ITGAX: variants seen among roughly 807,000 people sequenced by gnomAD.
The protein encoded by ITGAX is integrin alpha-X.
Under a neutral mutation model 140.2 loss-of-function variants are expected in ITGAX, and 99 were observed. The ratio of observed to expected loss-of-function variants is 0.71; its 90% CI spans 0.60 to 0.83. ITGAX has a LOEUF of 0.83. Among genes scored for constraint, ITGAX ranks in the 40% least tolerant of loss-of-function variants. The pLI is 0.00. For synonymous variants in ITGAX, 631 were observed against 600.4 expected (o/e 1.05, Z -0.75); for missense variants, 1,444 against 1,482.0 (o/e 0.97, Z 0.42).
chr16:31,363,348 C>T lies in ITGAX; in HGVS notation c.1684C>T (p.Pro562Ser). The T allele has an allele frequency of 6.2e-7, 1 of 1,613,100 alleles. No homozygotes were observed. The highest frequency in any genetic ancestry group is 1.1e-5 in the South Asian group (1 of 91,072). Reference protein sequence around the residue: ...AVYLFHGVLGPSISPSHSQRI... With the variant: ...AVYLFHGVLGSSISPSHSQRI... ...CTACCTGTTTCACGGAGTCTTGGGA[C>T]CCAGCATCAGCCCCTCCCACAGCCA... The change falls in exon 14 of 30, where the codon CCC becomes TCC. Residue 562 changes from proline to serine, a missense_variant. By Grantham distance (74) the Pro-to-Ser change is moderately conservative. Coordinates refer to ENST00000268296, the MANE Select transcript of ITGAX (RefSeq NM_000887.5).
chr16:31,369,221 C>G (rs2080927049), intron 14 of ITGAX, among the ~76,000 whole-genome samples: 1 of 146,084 alleles, frequency 6.8e-6, no homozygotes, highest in Non-Finnish European at 1.5e-5. Context: ...GACGGGGCGG[C>G]TGGCCGGGCG....
chr16:31,376,840 C>T lies in ITGAX; in HGVS notation c.2550C>T (p.Ser850=), dbSNP rs763511730. ...QLRSLHLTCD[S]APVGSQGTWS... ...GTTCCCTGCACCTGACATGTGACAG[C>T]GCCCCAGTTGGGAGCCAGGGCACCT... Residue 850 remains serine (S), a synonymous_variant, in exon 21 of 30, where the codon AGC becomes AGT. Coordinates refer to ENST00000268296, the MANE Select transcript of ITGAX (RefSeq NM_000887.5). 36 of 1,614,086 alleles carry T rather than the reference C, an allele frequency of 2.2e-5. No individual in the cohort carries two copies. Among genetic ancestry groups the T allele is most frequent in the East Asian group, 4.5e-5 (2 of 44,902 alleles).
At chr16:31,357,789 G>T in intron 5 of ITGAX, 2 of 409,868 alleles carry the variant, frequency 4.9e-6, no homozygotes, top group Non-Finnish European at 8.5e-6. Context: ...TTTAGGAAAG[G>T]TCAGTGAAAG....
At position 31,362,918 on chromosome 16, in the gene ITGAX, C is replaced by T. The variant is rs1251382801; in HGVS notation, c.1360-17C>T. 12 of 1,611,246 alleles carry T rather than the reference C, an allele frequency of 7.4e-6. No individual in the cohort carries two copies. The highest frequency in any genetic ancestry group is 1.0e-5 in the Non-Finnish European group (12 of 1,179,504). On this transcript the variant is annotated splice_polypyrimidine_tract_variant and intron_variant, in intron 12 of 29. Transcript: ENST00000268296. ...TCTGGCAGGGACAGGCAGCATGACC[C>T]AGGCTCTGCCCTTCAGATCGGCTCC...
chr16:31,372,170 G>A (rs61761301), intron 17 of ITGAX, among the ~76,000 whole-genome samples: 17 of 151,696 alleles, frequency 1.1e-4, no homozygotes, highest in South Asian at 2.1e-4. Context: ...AGGTCTGGGG[G>A]GGGGGAGGAA....
chr16:31,355,410 C>A, intron 1 of ITGAX, 119 bp downstream of exon 1: 1 of 1,067,694 alleles, frequency 9.4e-7, no homozygotes, highest in Non-Finnish European at 1.4e-6. Context: ...CTCAGTCAAG[C>A]CTGAGGGGGA....
chr16:31,380,550 A>G lies in ITGAX; in HGVS notation c.3202A>G (p.Ser1068Gly), dbSNP rs1264010036. The G allele has an allele frequency of 1.2e-6, 2 of 1,614,232 alleles. No homozygotes were observed. The highest frequency in any genetic ancestry group is 8.5e-7 in the Non-Finnish European group (1 of 1,180,048). The change falls in exon 28 of 30, where the codon AGT becomes GGT. Residue 1068 changes from serine (S) to glycine (G), a missense_variant. Ser to Gly is a moderately conservative substitution (Grantham distance 56, BLOSUM62 0). Transcript: ENST00000268296. ...ATTGCAGAAGAAGGTGTCGGTCGTGAGTGTGGCTGAAATTACGTTCGACAC... is the reference window on the plus strand; with the variant it reads ...ATTGCAGAAGAAGGTGTCGGTCGTGGGTGTGGCTGAAATTACGTTCGACAC... ...QILQKKVSVVSVAEITFDTSV... is the reference protein window; with the variant it reads ...QILQKKVSVVGVAEITFDTSV...
rs773417664 is a variant in ITGAX at position 31,361,229 on chromosome 16, G to A, written c.1012+16G>A. On this transcript the variant is annotated intron_variant, in intron 9 of 29. Transcript: ENST00000268296. ...GCCATTGAGGGTGAGTCTGAAGGGA[G>A]CTCTTCGCTTGGGGAATCCTCAGCC... 1.9e-6 allele frequency: 3 copies of A among 1,593,180 alleles called. No individual in the cohort carries two copies. Among genetic ancestry groups the A allele is most frequent in the Non-Finnish European group, 2.6e-6 (3 of 1,170,332 alleles).
chr16:31,361,276 A>C lies in ITGAX; in HGVS notation c.1012+63A>C. ...AGCCGTTAACACCTTTCCACTTAGA[A>C]CCCGAGGCTCCGTGAAACAGGTAGA... is the stretch of plus-strand genomic sequence containing the variant. On this transcript the variant is annotated intron_variant, in intron 9 of 29. Transcript: ENST00000268296. The C allele has an allele frequency of 7.9e-6, 12 of 1,524,836 alleles. No individual in the cohort carries two copies. The South Asian group carries it at 1.5e-4, about 19-fold the overall frequency. 94.5% of individuals were successfully genotyped at this position (1,524,836 alleles called of 1,614,324 possible). A position where few individuals can be genotyped will look rare whatever the true frequency, so the allele number is the denominator to read the frequency against.
At chr16:31,360,904 T>A (rs2080817320) in intron 8 of ITGAX, 159 bp from the exon 9 acceptor site, 2 of 666,418 alleles carry the variant, frequency 3.0e-6, no homozygotes, top group East Asian at 5.5e-5. Context: ...CATGATCCTT[T>A]CTCCTAAACT....
chr16:31,373,533 C>T (rs1357333895), intron 20 of ITGAX, 143 bp downstream of exon 20: 11 of 812,762 alleles, frequency 1.4e-5, no homozygotes, highest in South Asian at 9.9e-5. Context: ...CTTTGGGCAT[C>T]GCAGTTTAAG....
intron 5 of ITGAX, chr16:31,358,429 C>CA (rs1247878634): frequency 6.6e-6 from 1 of 152,056 alleles, no homozygotes; most frequent in Non-Finnish European, 1.5e-5. Flanking sequence ...CTCATCTCTA[C>CA]AAAAAATAAA....
intron 23 of ITGAX, 87 bp downstream of exon 23, chr16:31,377,352 A>T: frequency 9.4e-7 from 1 of 1,068,378 alleles, no homozygotes; most frequent in South Asian, 1.5e-5. Flanking sequence ...ACGCTGCCAC[A>T]GAGGGTGAGA....
intron 20 of ITGAX, among the ~76,000 whole-genome samples, chr16:31,373,869 A>G (rs542455044): frequency 6.6e-5 from 10 of 152,358 alleles, no homozygotes; most frequent in African/African-American, 2.4e-4. Context: ...TGAGTTTATG[A>G]GTGAATATAC....
At chr16:31,380,155 A>G in intron 26 of ITGAX, 90 bp downstream of exon 26, 4 of 1,531,634 alleles carry the variant, frequency 2.6e-6, no homozygotes, top group Non-Finnish European at 3.6e-6. Context: ...ATCCTGCTGA[A>G]GTACCCTCTT....
At chr16:31,368,310 A>C (rs1304334276) in intron 14 of ITGAX, among the ~76,000 whole-genome samples, 3 of 151,946 alleles carry the variant, frequency 2.0e-5, no homozygotes, top group African/African-American at 7.3e-5. Context: ...CCTGGCCTAC[A>C]TAGGGAAACC....
chr16:31,359,963 C>CT lies in ITGAX; in HGVS notation c.608dup (p.Glu204ArgfsTer45). On this transcript the variant is annotated frameshift_variant, in exon 7 of 30. Coordinates refer to ENST00000268296, the MANE Select transcript of ITGAX (RefSeq NM_000887.5). LOFTEE classifies it high-confidence loss of function. ...TCCAACAAATTCCAAACACACTTCACTTTCGAGGAATTCAGGCGCAGCTCA... is the reference window on the plus strand; with the variant it reads ...TCCAACAAATTCCAAACACACTTCACTTTTCGAGGAATTCAGGCGCAGCTCA... 6.2e-7 allele frequency: 1 copy of CT among 1,614,200 alleles called. No individual in the cohort carries two copies.
At chr16:31,367,570 C>T (rs1385450951) in intron 14 of ITGAX, among the ~76,000 whole-genome samples, 2 of 152,182 alleles carry the variant, frequency 1.3e-5, no homozygotes, top group African/African-American at 2.4e-5. Flanking sequence ...GACAGCACAT[C>T]TGTTTATAGC....
At chr16:31,356,753 C>A in intron 3 of ITGAX, 25 bp downstream of exon 3, 2 of 1,510,722 alleles carry the variant, frequency 1.3e-6, no homozygotes, top group South Asian at 1.2e-5. Flanking sequence ...CTCCCGGGAC[C>A]CAGGGCCGGG....
Sources: gnomAD v4.1 joint callset for allele counts (sites outside exome capture counted in the v4.1 genomes callset) on GRCh38, gnomAD v4.1.1 for gene constraint, MANE v1.5 for transcripts, NCBI Gene and HGNC (gene_info 2026-07-23, HGNC 2026-07-21) for gene names.